Variants in CELF6 observed in about 807,000 individuals in gnomAD.
CELF6 encodes Bruno -like 6, RNA binding protein.
Under a neutral mutation model 53.1 loss-of-function variants are expected in CELF6, and 32 were observed. The ratio of observed to expected loss-of-function variants is 0.60; its 90% CI spans 0.46 to 0.81. The LOEUF (loss-of-function observed/expected upper bound fraction) is 0.81, where lower values mean the gene tolerates loss of function less well. CELF6 is among the 30% of genes least tolerant of loss of function. CELF6 has a pLI of 0.00. For synonymous variants in CELF6, 291 were observed against 288.8 expected, an observed-to-expected ratio of 1.01 and a Z score of -0.08; for missense variants, 539 against 669.5, an observed-to-expected ratio of 0.81 and a Z score of 2.15.
At chr15:72,297,595 A>C (rs890243232) in intron 3 of CELF6, among the ~76,000 whole-genome samples, 3 of 152,264 alleles carry the variant, frequency 2.0e-5, no homozygotes, top group Admixed American at 2.0e-4. Context: ...GACACATCCT[A>C]CAACGTGAAT....
At chr15:72,301,109 G>A (rs571073712) in intron 3 of CELF6, among the ~76,000 whole-genome samples, 24 of 151,974 alleles carry the variant, frequency 1.6e-4, no homozygotes, top group Non-Finnish European at 2.9e-4. Flanking sequence ...TCAGCCTCCC[G>A]AGTAGCTGGG....
At chr15:72,291,967 G>C (rs76415797) in intron 3 of CELF6, among the ~76,000 whole-genome samples, 1 of 152,200 alleles carries the variant, frequency 6.6e-6, no homozygotes, top group African/African-American at 2.4e-5. Context: ...GCTTCTGGGG[G>C]TGTCAGCCAC....
In CELF6 at chr15:72,288,906, G is replaced by A; in HGVS notation, c.1055C>T (p.Pro352Leu). The change falls in exon 9 of 13, where the codon CCC (proline) becomes CTC (leucine). Residue 352 changes from proline (P) to leucine (L), a missense_variant. This residue lies in a region of CELF6 where 358 missense variants were observed against 412.8 expected (regional missense o/e 0.87). Transcript: ENST00000287202. This position sits in a 1 kb window ranked among gnomAD's most constrained non-coding sequence, Gnocchi z 4.6. ...CATCCCAGCGTAGGCCTGCTGCAGG[G>A]GGTCAGCCACGCCGGGGCTCTGGGC... ...YPAQSPGVAD[P>L]LQQAYAGMHH... is the part of the protein sequence containing the mutation. The A allele has an allele frequency of 6.4e-7, 1 of 1,550,972 alleles. No individual in the cohort carries two copies. The highest frequency in any genetic ancestry group is 8.7e-7 in the Non-Finnish European group (1 of 1,147,064).
chr15:72,314,602 T>TTTTTTTTTTTTTTTTTTTTTTTTG (rs2088339440), intron 2 of CELF6, among the ~76,000 whole-genome samples: 1 of 144,926 alleles, frequency 6.9e-6, no homozygotes, highest in African/African-American at 2.7e-5. Context: ...TTTTTTTTTT[T>TTTTTTTTTTTTTTTTTTTTTTTTG]TTTTTTTTTT....
At chr15:72,295,803 A>G (rs1424429748) in intron 3 of CELF6, among the ~76,000 whole-genome samples, 2 of 152,130 alleles carry the variant, frequency 1.3e-5, no homozygotes, top group Non-Finnish European at 2.9e-5. Context: ...AAGACTTAAT[A>G]TTGCTAAGAT....
At chr15:72,304,660 A>T in intron 3 of CELF6, 86 bp downstream of exon 3, 1 of 1,257,306 alleles carries the variant, frequency 8.0e-7, no homozygotes, top group Non-Finnish European at 1.2e-6. Flanking sequence ...AGGCTCTCAT[A>T]CTAAATGGGT....
intron 2 of CELF6, chr15:72,313,762 C>T (rs768669724): frequency 1.4e-5 from 14 of 980,904 alleles, no homozygotes; most frequent in South Asian, 4.7e-5. Context: ...AAGTCATTTG[C>T]TCCCATGATT....
At chr15:72,292,574 G>T (rs1451456515) in intron 3 of CELF6, among the ~76,000 whole-genome samples, 2 of 152,234 alleles carry the variant, frequency 1.3e-5, no homozygotes, top group African/African-American at 2.4e-5. Flanking sequence ...GTAGCCTTGT[G>T]TAGGAAGAGA....
At chr15:72,287,125 TC>T in intron 12 of CELF6, 111 bp downstream of exon 12, 1 of 975,154 alleles carries the variant, frequency 1.0e-6, no homozygotes, top group Non-Finnish European at 1.5e-6. Flanking sequence ...CTTCTCTCTA[TC>T]CCAGACTTTC....
At chr15:72,298,916 C>T (rs1595779400) in intron 3 of CELF6, among the ~76,000 whole-genome samples, 2 of 152,194 alleles carry the variant, frequency 1.3e-5, no homozygotes, top group East Asian at 3.9e-4. Context: ...TTTAAAAATA[C>T]GTGAACCTAG....
intron 2 of CELF6, among the ~76,000 whole-genome samples, chr15:72,307,153 C>T (rs531547096): frequency 1.3e-4 from 20 of 152,212 alleles, no homozygotes; most frequent in Admixed American, 2.0e-4. Flanking sequence ...CCTAGAGTGA[C>T]GAGCACACGT....
At chr15:72,309,447 AG>A (rs2088269604) in intron 2 of CELF6, among the ~76,000 whole-genome samples, 1 of 152,138 alleles carries the variant, frequency 6.6e-6, no homozygotes, top group Non-Finnish European at 1.5e-5. Context: ...CGGGAAGAGG[AG>A]GGCATATTGG....
rs1253472642 is a variant in CELF6, at chr15:72,289,536, A to G, written c.748-29T>C. ...TGAGAGGAAAGATGGGCGAGAGTGG[A>G]GGGCCAAGGGGCAGGCAGCTGCCCG... On this transcript the variant is annotated intron_variant, in intron 6 of 12. Coordinates refer to ENST00000287202, the MANE Select transcript of CELF6 (RefSeq NM_052840.5). The surrounding 1 kb of genome is among the most constrained non-coding windows in gnomAD (Gnocchi z 7.6). 6.7e-7 allele frequency: 1 copy of G among 1,499,288 alleles called. No individual in the cohort carries two copies. The highest frequency in any genetic ancestry group is 2.5e-5 in the East Asian group (1 of 39,708). 92.9% of individuals were successfully genotyped at this position (1,499,288 alleles called of 1,614,324 possible).
rs2087918096 is a variant in CELF6 at position 72,286,145 on chromosome 15, A to C, written c.*226T>G. On this transcript the variant is annotated 3_prime_UTR_variant, in exon 13 of 13. Coordinates refer to ENST00000287202, the MANE Select transcript of CELF6 (RefSeq NM_052840.5). ...TTCCCCTGGACAGTCACTCCTCACC[A>C]GCCCTATTTGCTCTGCCAGCCTGCG... 6.6e-6 allele frequency: 1 copy of C among 152,612 alleles called. No individual in the cohort carries two copies. Among genetic ancestry groups the C allele is most frequent in the Non-Finnish European group, 1.5e-5 (1 of 68,058 alleles). 9.5% of individuals were successfully genotyped at this position (152,612 alleles called of 1,614,324 possible).
intron 3 of CELF6, among the ~76,000 whole-genome samples, chr15:72,290,809 C>T (rs2087995875): frequency 6.6e-6 from 1 of 152,150 alleles, no homozygotes; most frequent in South Asian, 2.1e-4. Context: ...CATCCTACTG[C>T]CTCATCTTTA....
intron 11 of CELF6, among the ~76,000 whole-genome samples, chr15:72,287,690 C>T (rs1172599129): frequency 6.6e-6 from 1 of 152,198 alleles, no homozygotes; most frequent in African/African-American, 2.4e-5. Context: ...CCATTCTGGT[C>T]CTCAGAACCA....
intron 1 of CELF6, 86 bp from the exon 2 acceptor site, chr15:72,316,013 A>G: frequency 6.9e-6 from 6 of 865,840 alleles, no homozygotes; most frequent in South Asian, 3.1e-5. Flanking sequence ...GACAAACTTA[A>G]GGCCACTCTC....
At chr15:72,296,781 T>A (rs2088084654) in intron 3 of CELF6, among the ~76,000 whole-genome samples, 2 of 152,174 alleles carry the variant, frequency 1.3e-5, no homozygotes, top group Non-Finnish European at 2.9e-5. Context: ...ATGACTGCTA[T>A]CAAAGAAACA....
At position 72,289,322 on chromosome 15, in the gene CELF6, AC is replaced by A; in HGVS notation, c.881-36del. On this transcript the variant is annotated intron_variant, in intron 7 of 12. Transcript: ENST00000287202. This position sits in a 1 kb window ranked among gnomAD's most constrained non-coding sequence, Gnocchi z 7.6. Reference sequence around the variant, plus strand: ...GAAAAGGTCTGAGAGTCAGGCCGCCACCCCGCCCCGCCCGGCCCCTCCCAGG... The same window carrying A: ...GAAAAGGTCTGAGAGTCAGGCCGCCACCCGCCCCGCCCGGCCCCTCCCAGG... The A allele has an allele frequency of 1.3e-6, 2 of 1,528,646 alleles. No individual in the cohort carries two copies. Among genetic ancestry groups the A allele is most frequent in the Non-Finnish European group, 1.7e-6 (2 of 1,144,826 alleles). 94.7% of individuals were successfully genotyped at this position (1,528,646 alleles called of 1,614,324 possible). A position where few individuals can be genotyped will look rare whatever the true frequency, so the allele number is the denominator to read the frequency against.
Sources: gnomAD v4.1 joint callset for allele counts (sites outside exome capture counted in the v4.1 genomes callset) on GRCh38, gnomAD v4.1.1 for gene constraint, gnomAD v4.1.1 regional missense constraint, Gnocchi (gnomAD v3.1) non-coding constraint, MANE v1.5 for transcripts, NCBI Gene and HGNC (gene_info 2026-07-23, HGNC 2026-07-21) for gene names.